Variants in RSRC1 observed in about 807,000 individuals in gnomAD.
The protein encoded by RSRC1 is serine/Arginine-related protein 53.
Under a neutral mutation model 49.1 loss-of-function variants are expected in RSRC1, and 39 were observed. That is an observed-to-expected ratio of 0.79 (90% CI 0.61 to 1.04). RSRC1 has a LOEUF of 1.04. RSRC1 is among the 50% of genes least tolerant of loss of function. The pLI is 0.00. For synonymous variants in RSRC1, 143 were observed against 130.8 expected (o/e 1.09, Z -0.63); for missense variants, 388 against 402.4 (o/e 0.96, Z 0.31).
At chr3:158,188,020 A>C (rs1182952225) in intron 3 of RSRC1, among the ~76,000 whole-genome samples, 2 of 151,886 alleles carry the variant, frequency 1.3e-5, no homozygotes, top group Non-Finnish European at 2.9e-5. Flanking sequence ...CCGTGAGATA[A>C]CCTCATCACG....
intron 7 of RSRC1, among the ~76,000 whole-genome samples, chr3:158,511,412 G>C (rs1247314302): frequency 2.0e-5 from 3 of 152,098 alleles, no homozygotes; most frequent in Non-Finnish European, 2.9e-5. Context: ...TGAGAATGAT[G>C]ATTTCCAATT....
In RSRC1 at chr3:158,545,181, C is replaced by CTTTTTTTTTTTTTTT; in HGVS notation, c.*906_*907insTTTTTTTTTTTTTTT. 1 of 136,460 alleles carries CTTTTTTTTTTTTTTT rather than the reference C, an allele frequency of 7.3e-6. No homozygotes were observed. Among genetic ancestry groups the CTTTTTTTTTTTTTTT allele is most frequent in the Non-Finnish European group, 1.6e-5 (1 of 61,990 alleles). 8.5% of individuals were successfully genotyped at this position (136,460 alleles called of 1,614,324 possible). On this transcript the variant is annotated 3_prime_UTR_variant, in exon 10 of 10. Coordinates refer to ENST00000611884, the MANE Select transcript of RSRC1 (RefSeq NM_001271838.2). ...TTTAACAGCTGACATGAATATTTCC[C>CTTTTTTTTTTTTTTT]GTTTCTATTTTCTTTTTTTTTTTTT...
At chr3:158,363,970 T>C (rs1731621730) in intron 6 of RSRC1, among the ~76,000 whole-genome samples, 1 of 152,178 alleles carries the variant, frequency 6.6e-6, no homozygotes, top group Non-Finnish European at 1.5e-5. Flanking sequence ...ATCCAAGTAA[T>C]AAGCTTTGCT....
chr3:158,191,835 C>T (rs891060497), intron 3 of RSRC1, among the ~76,000 whole-genome samples: 11 of 152,016 alleles, frequency 7.2e-5, no homozygotes, highest in Admixed American at 1.3e-4. Flanking sequence ...TGAACTTGTA[C>T]TTTCTTCTTG....
chr3:158,227,703 A>G (rs1325975134), intron 4 of RSRC1, among the ~76,000 whole-genome samples: 1 of 152,060 alleles, frequency 6.6e-6, no homozygotes, highest in African/African-American at 2.4e-5. Context: ...AATGTGAATT[A>G]ATTTTCTAGA....
intron 3 of RSRC1, among the ~76,000 whole-genome samples, chr3:158,124,465 G>GT (rs1715487553): frequency 2.0e-5 from 3 of 152,166 alleles, no homozygotes; most frequent in South Asian, 2.1e-4. Flanking sequence ...CTCCTTTTCA[G>GT]TTTTTTTGGA....
At chr3:158,511,899 C>A (rs1001736305) in intron 7 of RSRC1, among the ~76,000 whole-genome samples, 6 of 152,008 alleles carry the variant, frequency 3.9e-5, no homozygotes, top group Non-Finnish European at 8.8e-5. Flanking sequence ...TTTCATGTGT[C>A]TTTTGGCTGC....
At chr3:158,491,320 G>A (rs138827699) in intron 7 of RSRC1, among the ~76,000 whole-genome samples, 1 of 152,288 alleles carries the variant, frequency 6.6e-6, no homozygotes, top group Non-Finnish European at 1.5e-5. Flanking sequence ...GATCCCTAGT[G>A]ATCAGAAATG....
intron 3 of RSRC1, among the ~76,000 whole-genome samples, chr3:158,157,635 A>G (rs1717956102): frequency 6.6e-6 from 1 of 152,104 alleles, no homozygotes; most frequent in Admixed American, 6.5e-5. Context: ...CCACTACTTG[A>G]GGAACAATGA....
chr3:158,145,708 T>C (rs1717052256), intron 3 of RSRC1, among the ~76,000 whole-genome samples: 1 of 152,206 alleles, frequency 6.6e-6, no homozygotes, highest in Non-Finnish European at 1.5e-5. Flanking sequence ...ATTGAATCTA[T>C]AAATTACCTT....
At chr3:158,257,673 A>G (rs1214116290) in intron 4 of RSRC1, among the ~76,000 whole-genome samples, 2 of 151,858 alleles carry the variant, frequency 1.3e-5, no homozygotes, top group South Asian at 2.1e-4. Flanking sequence ...TACTCTGGCC[A>G]TTTTGTTATT....
intron 3 of RSRC1, among the ~76,000 whole-genome samples, chr3:158,186,286 C>G (rs1719926323): frequency 2.0e-5 from 3 of 151,960 alleles, no homozygotes; most frequent in African/African-American, 7.2e-5. Context: ...TGTCTCTGTT[C>G]AGAATACATA....
intron 6 of RSRC1, among the ~76,000 whole-genome samples, chr3:158,430,389 T>C (rs780901805): frequency 1.8e-4 from 27 of 151,792 alleles, no homozygotes; most frequent in Non-Finnish European, 3.4e-4. Flanking sequence ...TCTGCCAGTT[T>C]TGCCTTATAT....
intron 4 of RSRC1, among the ~76,000 whole-genome samples, chr3:158,271,714 A>T (rs1057429773): frequency 1.3e-5 from 2 of 152,158 alleles, no homozygotes; most frequent in African/African-American, 4.8e-5. Context: ...CATTATAAAG[A>T]TAACATCTAG....
At chr3:158,314,403 TC>T (rs1464963330) in intron 5 of RSRC1, among the ~76,000 whole-genome samples, 2 of 88,446 alleles carry the variant, frequency 2.3e-5, no homozygotes, top group African/African-American at 8.4e-5. Flanking sequence ...GAAAAAAAAT[TC>T]TTTTTTTTTT....
rs1037436982 is a variant in RSRC1, at chr3:158,526,496, T to C, written c.653-10596T>C. Among the ~76,000 whole-genome samples, 5 of 151,984 alleles carry C rather than the reference T, an allele frequency of 3.3e-5. No individual in the cohort carries two copies. The South Asian group carries it at 1.0e-3, about 31-fold the overall frequency. On this transcript the variant is annotated intron_variant, in intron 7 of 9. Coordinates refer to ENST00000611884, the MANE Select transcript of RSRC1 (RefSeq NM_001271838.2). Reference sequence around the variant, plus strand: ...CAAATCCCTGTTCCTACCCACTGTATAGTCAGATCTTAACTGCTTGCAGAT... The same window carrying C: ...CAAATCCCTGTTCCTACCCACTGTACAGTCAGATCTTAACTGCTTGCAGAT...
chr3:158,268,131 G>A (rs957799632), intron 4 of RSRC1, among the ~76,000 whole-genome samples: 1 of 152,020 alleles, frequency 6.6e-6, no homozygotes, highest in Admixed American at 6.6e-5. Context: ...AGCTCACTCT[G>A]TCTGTTTTGC....
At chr3:158,367,409 G>A (rs1228923229) in intron 6 of RSRC1, among the ~76,000 whole-genome samples, 10 of 151,962 alleles carry the variant, frequency 6.6e-5, no homozygotes, top group South Asian at 6.2e-4. Context: ...GGTTTTTGTC[G>A]CTGGTTCTGT....
rs555292175 is a variant in RSRC1, at chr3:158,537,081, C to T, written c.653-11C>T. 3.2e-6 allele frequency: 5 copies of T among 1,584,884 alleles called. No homozygotes were observed. The South Asian group carries it at 4.4e-5, about 14-fold the overall frequency. On this transcript the variant is annotated splice_polypyrimidine_tract_variant and intron_variant, in intron 7 of 9. Coordinates refer to ENST00000611884, the MANE Select transcript of RSRC1 (RefSeq NM_001271838.2). ...CACCAAAATACGCTGACATTATACCCTCTTTTTCAGACCAAGCCACCCTGG... is the reference window on the plus strand; with the variant it reads ...CACCAAAATACGCTGACATTATACCTTCTTTTTCAGACCAAGCCACCCTGG...
Sources: gnomAD v4.1 joint callset for allele counts (sites outside exome capture counted in the v4.1 genomes callset) on GRCh38, gnomAD v4.1.1 for gene constraint, MANE v1.5 for transcripts, NCBI Gene and HGNC (gene_info 2026-07-23, HGNC 2026-07-21) for gene names.